LARP1: variants seen among roughly 807,000 people sequenced by gnomAD.
The protein encoded by LARP1 is La ribonucleoprotein 1, translational regulator, also known as la-related protein 1.
Under a neutral mutation model 122.7 loss-of-function variants are expected in LARP1, and 36 were observed. The observed-to-expected ratio is 0.29, with a 90% CI of 0.22 to 0.39. LARP1 has a LOEUF of 0.39. Ranked by LOEUF, LARP1 falls within the 10% of genes least tolerant of loss-of-function variation. The pLI is 1.00. For missense variants in LARP1, 1,040 were observed against 1,403.6 expected (o/e 0.74, Z 4.14); for synonymous variants, 539 against 528.7 (o/e 1.02, Z -0.27).
rs533832565 is a variant in LARP1, at chr5:154,686,014, G to T, written c.-180+2977G>T. On this transcript the variant is annotated intron_variant, in intron 1 of 18. Transcript: ENST00000687700. ...TAAAACTCATCACAATTGGGATTAG[G>T]TATCTAGGGAGTTATTTATTTAAAA... 2.0e-4 allele frequency among the ~76,000 whole-genome samples: 31 copies of T among 152,202 alleles called. No homozygotes were observed. In the South Asian group the frequency reaches 2.1e-3, roughly 10 times the overall value.
At chr5:154,716,351 C>A (rs1365213465) in intron 1 of LARP1, among the ~76,000 whole-genome samples, 1 of 152,078 alleles carries the variant, frequency 6.6e-6, no homozygotes, top group Non-Finnish European at 1.5e-5. Flanking sequence ...GAATTCCTGA[C>A]CTCAGGTGAT....
At chr5:154,734,141 TG>T (rs536845452) in intron 1 of LARP1, among the ~76,000 whole-genome samples, 135 of 150,538 alleles carry the variant, frequency 9.0e-4, no homozygotes, top group African/African-American at 3.0e-3. Context: ...TACTCCAGCC[TG>T]GGCAACAAAA....
intron 1 of LARP1, among the ~76,000 whole-genome samples, chr5:154,763,296 A>G (rs1184094098): frequency 2.0e-5 from 3 of 152,006 alleles, no homozygotes; most frequent in Non-Finnish European, 4.4e-5. Flanking sequence ...TCCTGACCTC[A>G]GGTGATCTGC....
chr5:154,715,102 C>T (rs1328727980), intron 1 of LARP1, among the ~76,000 whole-genome samples: 1 of 150,100 alleles, frequency 6.7e-6, no homozygotes, highest in Non-Finnish European at 1.5e-5. Flanking sequence ...ATCGCTTGAA[C>T]CCGGGAGGCA....
upstream of LARP1, among the ~76,000 whole-genome samples, chr5:154,709,881 C>A (rs934044210): frequency 6.6e-6 from 1 of 152,124 alleles, no homozygotes; most frequent in Non-Finnish European, 1.5e-5. Flanking sequence ...AATCAAACCT[C>A]TCTGCTAATG....
chr5:154,776,919 G>A (rs1755937145), intron 1 of LARP1, among the ~76,000 whole-genome samples: 1 of 152,170 alleles, frequency 6.6e-6, no homozygotes, highest in African/African-American at 2.4e-5. Flanking sequence ...TAATTTAAGT[G>A]TTTAATACAT....
At chr5:154,719,582 C>T (rs1755728084) in intron 1 of LARP1, among the ~76,000 whole-genome samples, 1 of 152,162 alleles carries the variant, frequency 6.6e-6, no homozygotes, top group South Asian at 2.1e-4. Flanking sequence ...ACTATTGTAG[C>T]CAGGCGTGGT....
chr5:154,751,238 G>GA (rs1178661706), upstream of LARP1, among the ~76,000 whole-genome samples: 1 of 152,070 alleles, frequency 6.6e-6, no homozygotes, highest in Non-Finnish European at 1.5e-5. Flanking sequence ...AGAACACCCT[G>GA]AAAAACCCCA....
intron 1 of LARP1, among the ~76,000 whole-genome samples, chr5:154,693,045 G>A (rs1582146175): frequency 1.4e-5 from 2 of 140,936 alleles, no homozygotes; most frequent in African/African-American, 2.7e-5. Context: ...GGCTGTTCTC[G>A]AACTCCTGGG....
chr5:154,691,845 A>T (rs1198496877), intron 1 of LARP1, among the ~76,000 whole-genome samples: 1 of 151,428 alleles, frequency 6.6e-6, no homozygotes, highest in African/African-American at 2.4e-5. Flanking sequence ...GCCTCAAAAA[A>T]GTGGCGCGAT....
At chr5:154,682,996 TG>T (rs1301311572) in exon 1 of LARP1, among the ~76,000 whole-genome samples, 2 of 152,138 alleles carry the variant, frequency 1.3e-5, no homozygotes, top group Non-Finnish European at 2.9e-5. Context: ...GAGTCATCGC[TG>T]CTGCGGCGCT....
intron 15 of LARP1, among the ~76,000 whole-genome samples, chr5:154,808,059 G>C (rs1164310690): frequency 6.6e-6 from 1 of 152,102 alleles, no homozygotes; most frequent in Non-Finnish European, 1.5e-5. Context: ...TGATATTACT[G>C]TTTTGTACTT....
In LARP1 at chr5:154,755,450, T is replaced by C. The variant is rs1241051011; in HGVS notation, c.-308T>C. ...GGCGGGGGGGAGGGAGGGACGGGAC[T>C]AGAAGCCTGCCGGGCTCGGGGTGGG... On this transcript the variant is annotated 5_prime_UTR_variant, in exon 1 of 19. Transcript: ENST00000518297. 1 of 702,542 alleles carries C rather than the reference T, an allele frequency of 1.4e-6. No individual in the cohort carries two copies. The highest frequency in any genetic ancestry group is 1.4e-4 in the East Asian group (1 of 7,252). The allele number at this position is 702,542 out of a possible 1,614,324, so 43.5% of individuals were successfully genotyped here. A position where few individuals can be genotyped will look rare whatever the true frequency, so the allele number is the denominator to read the frequency against.
chr5:154,699,253 T>A, intron 1 of LARP1, among the ~76,000 whole-genome samples: 1 of 152,216 alleles, frequency 6.6e-6, no homozygotes, highest in Admixed American at 6.5e-5. Flanking sequence ...CACAAACACT[T>A]CAATGGATGT....
chr5:154,769,047 C>G (rs905093167), intron 1 of LARP1, among the ~76,000 whole-genome samples: 1 of 152,214 alleles, frequency 6.6e-6, no homozygotes, highest in Non-Finnish European at 1.5e-5. Flanking sequence ...CCACACTGGC[C>G]AGGCTGGTCT....
Position 154,814,264 on chromosome 5 carries a change from A to AC in LARP1, c.*172dup. ...ATACACCATTTGGGCTATCAGAGGTACCCCTGGGCAGGAGCCTCTACATCC... is the reference window on the plus strand; with the variant it reads ...ATACACCATTTGGGCTATCAGAGGTACCCCCTGGGCAGGAGCCTCTACATCC... On this transcript the variant is annotated 3_prime_UTR_variant, in exon 19 of 19. Transcript: ENST00000518297. 1.6e-6 allele frequency: 1 copy of AC among 631,070 alleles called. No individual in the cohort carries two copies. Among genetic ancestry groups the AC allele is most frequent in the Non-Finnish European group, 2.7e-6 (1 of 366,036 alleles). The allele number at this position is 631,070 out of a possible 1,614,324, so 39.1% of individuals were successfully genotyped here. A position where few individuals can be genotyped will look rare whatever the true frequency, so the allele number is the denominator to read the frequency against.
At chr5:154,698,453 C>T (rs756986931) in intron 1 of LARP1, among the ~76,000 whole-genome samples, 33 of 152,116 alleles carry the variant, frequency 2.2e-4, no homozygotes, top group Non-Finnish European at 3.8e-4. Flanking sequence ...AAAAATTAGC[C>T]GGATGTGGTG....
intron 1 of LARP1, among the ~76,000 whole-genome samples, chr5:154,757,622 C>G (rs184597037): frequency 1.4e-3 from 216 of 152,256 alleles, no homozygotes; most frequent in Non-Finnish European, 2.5e-3. Context: ...AGCTTAATGT[C>G]TTCACCGTCA....
At position 154,811,356 on chromosome 5, in the gene LARP1, G is replaced by A; in HGVS notation, c.2953G>A (p.Gly985Ser). The A allele has an allele frequency of 6.2e-7, 1 of 1,613,840 alleles. No individual in the cohort carries two copies. The highest frequency in any genetic ancestry group is 1.1e-5 in the South Asian group (1 of 91,056). ...QEETVKDYEA[G>S]QLYGLEKFWA... ...GGAAACGGTGAAGGACTATGAAGCT[G>A]GTAAGAGCCAGAGTTGGATCTGAGT... Residue 985 changes from glycine to serine, a missense_variant and splice_region_variant, in exon 17 of 19, where the codon GGC becomes AGC. Around this residue, in one of 8 missense-constraint regions of LARP1, gnomAD observed 129 missense variants for 160.8 expected, o/e 0.80. Coordinates refer to ENST00000518297, the MANE Select transcript of LARP1 (RefSeq NM_033551.3).
Sources: allele counts gnomAD v4.1 joint callset (sites outside exome capture counted in the v4.1 genomes callset), GRCh38; gene constraint gnomAD v4.1.1; regional missense constraint gnomAD v4.1.1; transcripts MANE v1.5; gene names NCBI Gene and HGNC (gene_info 2026-07-23, HGNC 2026-07-21).